The following SNTG2 variants were observed in gnomAD, a reference collection of about 807,000 sequenced individuals.
SNTG2 encodes the protein gamma-2-syntrophin.
SNTG2 carries 74 observed loss-of-function variants against 70.9 expected under a neutral mutation model. The observed-to-expected ratio is 1.04, with a 90% CI of 0.86 to 1.27. SNTG2 has a LOEUF of 1.27. SNTG2 is among the 50% of genes most tolerant of loss of function. SNTG2 has a pLI of 0.00. For synonymous variants in SNTG2, 278 were observed against 273.8 expected (o/e 1.02, Z -0.15); for missense variants, 717 against 690.7 (o/e 1.04, Z -0.43).
intron 13 of SNTG2, among the ~76,000 whole-genome samples, chr2:1,266,751 C>CTTTTTTTTTTTTTTTTTTTTTTTT (rs59679083): frequency 1.9e-5 from 2 of 107,752 alleles, no homozygotes; most frequent in Admixed American, 1.2e-4. Flanking sequence ...TCATCTTTAT[C>CTTTTTTTTTTTTTTTTTTTTTTTT]TTTTTTTTTT....
intron 1 of SNTG2, among the ~76,000 whole-genome samples, chr2:997,927 A>C (rs1661743873): frequency 6.6e-6 from 1 of 152,164 alleles, no homozygotes; most frequent in South Asian, 2.1e-4. Flanking sequence ...CAGCACAAAG[A>C]AGCATGATGA....
chr2:1,326,255 T>C (rs1681753729), intron 16 of SNTG2, among the ~76,000 whole-genome samples: 1 of 152,210 alleles, frequency 6.6e-6, no homozygotes, highest in Non-Finnish European at 1.5e-5. Context: ...TCTTATGATT[T>C]TTACATACCA....
At chr2:1,202,420 A>G (rs537274536) in intron 8 of SNTG2, among the ~76,000 whole-genome samples, 22 of 152,080 alleles carry the variant, frequency 1.4e-4, no homozygotes, top group Non-Finnish European at 2.9e-4. Flanking sequence ...TTAAGAATGC[A>G]ATATTATGAC....
chr2:1,152,849 C>A (rs1669606191), intron 6 of SNTG2, among the ~76,000 whole-genome samples: 1 of 152,108 alleles, frequency 6.6e-6, no homozygotes, highest in Admixed American at 6.5e-5. Flanking sequence ...CAAGGCCAGG[C>A]ATGGTGGCTC....
chr2:1,172,514 T>G (rs1478764997), intron 7 of SNTG2, among the ~76,000 whole-genome samples: 1 of 152,212 alleles, frequency 6.6e-6, no homozygotes, highest in Non-Finnish European at 1.5e-5. Context: ...ATGAAAGTGC[T>G]CTATGTCCCC....
chr2:1,217,764 CATT>C (rs1674495086), intron 9 of SNTG2, among the ~76,000 whole-genome samples: 1 of 152,110 alleles, frequency 6.6e-6, no homozygotes, highest in Non-Finnish European at 1.5e-5. Flanking sequence ...TGAAGAAAAG[CATT>C]GTTGATGGGG....
At chr2:1,096,513 G>T (rs536330864) in intron 2 of SNTG2, among the ~76,000 whole-genome samples, 57 of 152,140 alleles carry the variant, frequency 3.7e-4, no homozygotes, top group African/African-American at 1.3e-3. Flanking sequence ...TGGTAAACAC[G>T]GTTCTACCCT....
chr2:1,051,646 CT>C (rs1662080714), intron 1 of SNTG2, among the ~76,000 whole-genome samples: 1 of 152,188 alleles, frequency 6.6e-6, no homozygotes, highest in Admixed American at 6.5e-5. Flanking sequence ...AGCATTTTTC[CT>C]CCTGGATCAT....
intron 14 of SNTG2, among the ~76,000 whole-genome samples, chr2:1,299,922 C>T (rs140967330): frequency 1.3e-3 from 195 of 151,844 alleles, no homozygotes; most frequent in African/African-American, 3.7e-3. Flanking sequence ...CCTTAAATGA[C>T]GGCACTGTGA....
At chr2:1,236,714 T>C (rs1465273940) in intron 9 of SNTG2, among the ~76,000 whole-genome samples, 1 of 152,252 alleles carries the variant, frequency 6.6e-6, no homozygotes, top group Non-Finnish European at 1.5e-5. Flanking sequence ...CTCAAAAATA[T>C]GCAGAACTGT....
chr2:977,066 C>T (rs1048226603), intron 1 of SNTG2, among the ~76,000 whole-genome samples: 3 of 152,202 alleles, frequency 2.0e-5, no homozygotes, highest in Admixed American at 6.5e-5. Flanking sequence ...TCCTAGCTTC[C>T]TCCTGCCACC....
chr2:1,219,796 C>CT (rs1674634107), intron 9 of SNTG2: 1 of 151,862 alleles, frequency 6.6e-6, no homozygotes, highest in East Asian at 1.9e-4. Flanking sequence ...GCTTAGGGGT[C>CT]TTTTTGCCCC....
intron 4 of SNTG2, among the ~76,000 whole-genome samples, chr2:1,131,727 C>T (rs1367971492): frequency 6.6e-6 from 1 of 151,824 alleles, no homozygotes; most frequent in Non-Finnish European, 1.5e-5. Flanking sequence ...TCTCAGCTCA[C>T]TGCAACCTCC....
At chr2:1,218,494 G>T (rs1275136690) in intron 9 of SNTG2, among the ~76,000 whole-genome samples, 1 of 152,232 alleles carries the variant, frequency 6.6e-6, no homozygotes, top group Non-Finnish European at 1.5e-5. Flanking sequence ...TTGGATGATG[G>T]TTGGCTGTTC....
chr2:1,060,724 GAATA>G (rs752645545), intron 1 of SNTG2, among the ~76,000 whole-genome samples: 5 of 152,110 alleles, frequency 3.3e-5, no homozygotes, highest in African/African-American at 4.8e-5. Flanking sequence ...TGAAATAAGT[GAATA>G]AATAAATGGA....
intron 14 of SNTG2, among the ~76,000 whole-genome samples, chr2:1,275,214 T>C (rs1679219993): frequency 6.6e-6 from 1 of 152,234 alleles, no homozygotes. Flanking sequence ...TCTTAAAGGC[T>C]CCACCTCCCA....
chr2:1,038,005 A>G lies in SNTG2; in HGVS notation c.73-45513A>G, dbSNP rs554969308. Among the ~76,000 whole-genome samples the G allele has an allele frequency of 8.5e-5, 13 of 152,200 alleles. No homozygotes were observed. The South Asian group carries it at 2.5e-3, about 29-fold the overall frequency. ...TGGTCACTCTGCTTCTCATCTGTGG[A>G]AGAGTTTTCAGACTGTTTTCCAAAA... On this transcript the variant is annotated intron_variant, in intron 1 of 16. Transcript: ENST00000308624.
At chr2:970,160 A>G (rs1414925238) in intron 1 of SNTG2, among the ~76,000 whole-genome samples, 3 of 152,216 alleles carry the variant, frequency 2.0e-5, no homozygotes, top group Non-Finnish European at 4.4e-5. Context: ...GTGATGAATT[A>G]CATTTATTTG....
At chr2:1,246,218 C>T (rs778534022) in intron 11 of SNTG2, among the ~76,000 whole-genome samples, 3 of 152,222 alleles carry the variant, frequency 2.0e-5, no homozygotes, top group Non-Finnish European at 2.9e-5. Flanking sequence ...TGTTCGGCTA[C>T]GCGTCCCCGC....
Sources: allele counts gnomAD v4.1 joint callset (sites outside exome capture counted in the v4.1 genomes callset), GRCh38; gene constraint gnomAD v4.1.1; transcripts MANE v1.5; gene names NCBI Gene and HGNC (gene_info 2026-07-23, HGNC 2026-07-21).